BCAS3: variants seen among roughly 807,000 people sequenced by gnomAD.
BCAS3 encodes the protein BCAS4/BCAS3 fusion.
BCAS3 carries 53 observed loss-of-function variants against 116.1 expected under a neutral mutation model. The observed-to-expected ratio is 0.46, with a 90% CI of 0.37 to 0.57. The LOEUF (loss-of-function observed/expected upper bound fraction) is 0.57. Ranked by LOEUF, BCAS3 falls within the 20% of genes least tolerant of loss-of-function variation. The pLI is 0.00. For synonymous variants in BCAS3, 391 were observed against 408.2 expected (o/e 0.96, Z 0.51); for missense variants, 917 against 1,165.4 (o/e 0.79, Z 3.10).
rs58004084 is a variant in BCAS3 at position 60,967,949 on chromosome 17, TTTG to T, written c.1221+20624_1221+20626del. On this transcript the variant is annotated intron_variant, in intron 14 of 23. Transcript: ENST00000407086. This position sits in a 1 kb window ranked among gnomAD's most constrained non-coding sequence, Gnocchi z 4.7. Reference sequence around the variant, plus strand: ...AATTTCTGAATTGCTTTTCTGTGTGTTTGTTGTTGTTGTTGTTGTTGTTGTTGT... The same window carrying T: ...AATTTCTGAATTGCTTTTCTGTGTGTTTGTTGTTGTTGTTGTTGTTGTTGT... Among the ~76,000 whole-genome samples the T allele has an allele frequency of 2.0e-4, 31 of 151,330 alleles. No individual in the cohort carries two copies. Among genetic ancestry groups the T allele is most frequent in the Middle Eastern group, 3.4e-3 (1 of 294 alleles).
chr17:60,698,469 CTCTG>C (rs2035940420), intron 4 of BCAS3, among the ~76,000 whole-genome samples: 1 of 151,988 alleles, frequency 6.6e-6, no homozygotes, highest in African/African-American at 2.4e-5. Context: ...CACAGTGAAA[CTCTG>C]TCTGTATTTA....
At chr17:60,758,496 T>C (rs1202498010) in intron 6 of BCAS3, among the ~76,000 whole-genome samples, 1 of 152,192 alleles carries the variant, frequency 6.6e-6, no homozygotes, top group East Asian at 1.9e-4. Flanking sequence ...TTCTTCTGCC[T>C]CAGCCTCCCG....
At chr17:60,931,484 A>G (rs538522047) in intron 13 of BCAS3, among the ~76,000 whole-genome samples, 3 of 151,958 alleles carry the variant, frequency 2.0e-5, no homozygotes, top group Non-Finnish European at 4.4e-5. Flanking sequence ...ACCATGTTGC[A>G]CGGGCTGGTC....
chr17:60,977,934 C>G (rs1467294423), intron 14 of BCAS3, among the ~76,000 whole-genome samples: 1 of 144,500 alleles, frequency 6.9e-6, no homozygotes, highest in Non-Finnish European at 1.5e-5. Flanking sequence ...CAAGTCTTTG[C>G]TATTGTGAAT....
At chr17:61,357,514 G>A (rs1425883809) in intron 22 of BCAS3, among the ~76,000 whole-genome samples, 4 of 148,800 alleles carry the variant, frequency 2.7e-5, no homozygotes, top group Admixed American at 6.7e-5. Flanking sequence ...GCGCGATCTC[G>A]GCTCACTGCA....
At chr17:60,855,322 C>A (rs1248895392) in intron 7 of BCAS3, among the ~76,000 whole-genome samples, 1 of 151,376 alleles carries the variant, frequency 6.6e-6, no homozygotes, top group African/African-American at 2.4e-5. Context: ...GTGCTAGTTG[C>A]ATGTGTAGTT....
intron 3 of BCAS3, among the ~76,000 whole-genome samples, chr17:60,685,628 G>T (rs1375242882): frequency 6.6e-6 from 1 of 152,032 alleles, no homozygotes; most frequent in Non-Finnish European, 1.5e-5. Context: ...GGCTTAAAGG[G>T]TGTCATGTAT....
intron 6 of BCAS3, among the ~76,000 whole-genome samples, chr17:60,798,124 A>G (rs1248265970): frequency 3.3e-5 from 5 of 152,206 alleles, no homozygotes; most frequent in African/African-American, 4.8e-5. Context: ...TTTTTGTATC[A>G]TAGTGGTACA....
chr17:60,866,744 C>T (rs1267023210), intron 7 of BCAS3, among the ~76,000 whole-genome samples: 1 of 152,058 alleles, frequency 6.6e-6, no homozygotes, highest in Non-Finnish European at 1.5e-5. Flanking sequence ...TTGTCTGTGT[C>T]ATCAGAATAT....
At chr17:60,733,978 T>C (rs2040717824) in intron 5 of BCAS3, among the ~76,000 whole-genome samples, 1 of 152,238 alleles carries the variant, frequency 6.6e-6, no homozygotes, top group South Asian at 2.1e-4. Context: ...CTCTTGACAA[T>C]GTCTTTTGGA....
At chr17:60,876,355 G>T (rs184123709) in intron 9 of BCAS3, among the ~76,000 whole-genome samples, 2 of 152,036 alleles carry the variant, frequency 1.3e-5, no homozygotes, top group Non-Finnish European at 2.9e-5. Context: ...TGACCAGAAT[G>T]GCCTTTTCAC....
chr17:60,687,029 T>C (rs2034157994), intron 3 of BCAS3, among the ~76,000 whole-genome samples: 1 of 152,176 alleles, frequency 6.6e-6, no homozygotes, highest in Admixed American at 6.6e-5. Flanking sequence ...ATGGAAATTA[T>C]TTTCTCTATA....
Position 61,126,248 on chromosome 17 carries a change from A to T in BCAS3, c.2425+41684A>T, listed in dbSNP as rs1473035214. On this transcript the variant is annotated intron_variant, in intron 22 of 23. Coordinates refer to ENST00000407086, the MANE Select transcript of BCAS3 (RefSeq NM_017679.5). This position sits in a 1 kb window ranked among gnomAD's most constrained non-coding sequence, Gnocchi z 4.6. ...ATTAGAATTGTGTGTGCGTTGTGGC[A>T]TGTGGGTACATCAGAAGTATATTTG... Among the ~76,000 whole-genome samples, 1 of 152,178 alleles carries T rather than the reference A, an allele frequency of 6.6e-6. No individual in the cohort carries two copies. The highest frequency in any genetic ancestry group is 1.5e-5 in the Non-Finnish European group (1 of 68,012).
intron 22 of BCAS3, among the ~76,000 whole-genome samples, chr17:61,334,671 A>C (rs927701046): frequency 7.0e-6 from 1 of 143,790 alleles, no homozygotes; most frequent in Non-Finnish European, 1.5e-5. Context: ...TCTCAAAAAA[A>C]AAAAAAAAAA....
At chr17:61,009,793 C>T (rs930430761) in intron 15 of BCAS3, among the ~76,000 whole-genome samples, 6 of 151,974 alleles carry the variant, frequency 3.9e-5, no homozygotes, top group African/African-American at 1.2e-4. Flanking sequence ...GCCACATTCA[C>T]ATGTTCTCAC....
At chr17:61,212,660 G>A (rs2081533232) in intron 22 of BCAS3, among the ~76,000 whole-genome samples, 1 of 151,928 alleles carries the variant, frequency 6.6e-6, no homozygotes. Context: ...CAAGTCAGTA[G>A]AGTTACCCAA....
At chr17:61,184,569 A>G (rs1472569277) in intron 22 of BCAS3, among the ~76,000 whole-genome samples, 1 of 152,196 alleles carries the variant, frequency 6.6e-6, no homozygotes, top group Non-Finnish European at 1.5e-5. Context: ...AAAGTTAAAT[A>G]TACACTTGCC....
intron 22 of BCAS3, among the ~76,000 whole-genome samples, chr17:61,116,078 C>T (rs1178747999): frequency 2.5e-5 from 3 of 119,268 alleles, no homozygotes; most frequent in East Asian, 5.0e-4. Flanking sequence ...ATATCACACT[C>T]TGGGGACTGT....
Position 61,392,051 on chromosome 17 carries a change from T to C in BCAS3, c.2668T>C (p.Phe890Leu), listed in dbSNP as rs749481996. The change falls in exon 24 of 24, where the codon TTT (phenylalanine) becomes CTT (leucine). Residue 890 changes from phenylalanine (F) to leucine (L), a missense_variant. Transcript: ENST00000407086. This position sits in a 1 kb window ranked among gnomAD's most constrained non-coding sequence, Gnocchi z 6.4. ...GSTSGSIPRN[F>L]DGYRSPLPTN... ...CACCAGCGGCAGCATACCAAGAAAC[T>C]TTGATGGCTACCGATCTCCGCTGCC... The C allele has an allele frequency of 1.9e-6, 3 of 1,613,698 alleles. No individual in the cohort carries two copies. The African/African-American group carries it at 4.0e-5, about 22-fold the overall frequency.
Sources: allele counts gnomAD v4.1 joint callset (sites outside exome capture counted in the v4.1 genomes callset), GRCh38; gene constraint gnomAD v4.1.1; non-coding constraint Gnocchi (gnomAD v3.1); transcripts MANE v1.5; gene names NCBI Gene and HGNC (gene_info 2026-07-23, HGNC 2026-07-21).